SRPX: variants seen among roughly 807,000 people sequenced by gnomAD.
The protein encoded by SRPX is sushi repeat containing protein X-linked.
In SRPX, 24 loss-of-function variants were observed where a neutral mutation model predicts 38.1. The observed-to-expected ratio is 0.63, with a 90% CI of 0.46 to 0.89. The LOEUF is 0.89. Among genes scored for constraint, SRPX ranks in the 40% least tolerant of loss-of-function variants. The pLI, the probability that SRPX is intolerant of heterozygous loss-of-function variation, is 0.00. For missense variants in SRPX, 416 were observed against 377.8 expected, an observed-to-expected ratio of 1.10 and a Z score of -0.84; for synonymous variants, 184 against 153.8, an observed-to-expected ratio of 1.20 and a Z score of -1.45.
At chrX:38,208,312 G>A (rs1044311110) in intron 1 of SRPX, among the ~76,000 whole-genome samples, 1 of 111,518 alleles carries the variant, frequency 9.0e-6, no homozygotes, top group African/African-American at 3.3e-5. Context: ...AGACCCCCTT[G>A]TGGCCCCTCC....
intron 1 of SRPX, among the ~76,000 whole-genome samples, chrX:38,219,634 A>C (rs1296488766): frequency 8.9e-6 from 1 of 112,024 alleles, no homozygotes; most frequent in Non-Finnish European, 1.9e-5. Flanking sequence ...TCCCGCAGCC[A>C]TCCCTACATC....
At chrX:38,188,647 T>C (rs778974475) in intron 1 of SRPX, among the ~76,000 whole-genome samples, 11 of 111,654 alleles carry the variant, frequency 9.9e-5, no homozygotes, top group Non-Finnish European at 2.1e-4. Flanking sequence ...ATTATATATA[T>C]TTAAGGTTTA....
chrX:38,213,598 G>A (rs1220615640), intron 1 of SRPX, among the ~76,000 whole-genome samples: 1 of 111,760 alleles, frequency 8.9e-6, no homozygotes, highest in Non-Finnish European at 1.9e-5. Flanking sequence ...CCTGGACAGG[G>A]GCTCAGTGAA....
At chrX:38,166,578 A>T (rs1025400206) in intron 4 of SRPX, among the ~76,000 whole-genome samples, 2 of 112,414 alleles carry the variant, frequency 1.8e-5, no homozygotes, top group African/African-American at 6.5e-5. Flanking sequence ...TTACGTTTTT[A>T]AAAACATTTA....
At chrX:38,220,097 C>T (rs1177571832) in intron 1 of SRPX, among the ~76,000 whole-genome samples, 1 of 113,399 alleles carries the variant, frequency 8.8e-6, no homozygotes, top group Non-Finnish European at 1.9e-5. Flanking sequence ...TAATCAAGTG[C>T]ATGCCACATG....
chrX:38,166,605 G>C (rs1407133807), intron 4 of SRPX, among the ~76,000 whole-genome samples: 1 of 112,059 alleles, frequency 8.9e-6, no homozygotes, highest in Non-Finnish European at 1.9e-5. Context: ...TACTATGATA[G>C]GTGATAGAAG....
intron 1 of SRPX, among the ~76,000 whole-genome samples, chrX:38,187,652 G>A (rs1357597734): frequency 2.7e-5 from 3 of 112,077 alleles, no homozygotes; most frequent in South Asian, 3.7e-4. Context: ...TGCTATTGCC[G>A]GGTCTCTTGT....
At chrX:38,156,744 C>T (rs1215159945) in intron 8 of SRPX, 152 bp downstream of exon 8, 6 of 632,670 alleles carry the variant, frequency 9.5e-6, no homozygotes, top group Non-Finnish European at 1.4e-5. Context: ...GGCCCAGAAC[C>T]AGAAATGAAT....
intron 5 of SRPX, among the ~76,000 whole-genome samples, chrX:38,161,562 C>G (rs780098059): frequency 1.8e-5 from 2 of 111,760 alleles, no homozygotes; most frequent in Non-Finnish European, 3.8e-5. Context: ...GGCAAGTTCT[C>G]TGTGATTCCT....
chrX:38,163,347 G>A, intron 5 of SRPX, among the ~76,000 whole-genome samples: 1 of 112,165 alleles, frequency 8.9e-6, no homozygotes, highest in Non-Finnish European at 1.9e-5. Context: ...CACAGCCTGG[G>A]TTGATAGGAT....
In SRPX at chrX:38,197,792, A is replaced by T. The variant is rs141252184; in HGVS notation, c.98-19448T>A. On this transcript the variant is annotated intron_variant, in intron 1 of 9. Coordinates refer to ENST00000378533, the MANE Select transcript of SRPX (RefSeq NM_006307.5). Reference sequence around the variant, plus strand: ...TGATTTCTCAATGGTCATCCCATGGATAAAAATAGAGAGAAACTTACTTTG... The same window carrying T: ...TGATTTCTCAATGGTCATCCCATGGTTAAAAATAGAGAGAAACTTACTTTG... Among the ~76,000 whole-genome samples, 944 of 112,564 alleles carry T rather than the reference A, an allele frequency of 8.4e-3. 31 individuals are homozygous for T. Among genetic ancestry groups the T allele is most frequent in the Admixed American group, 0.077 (823 of 10,665 alleles).
chrX:38,190,681 C>CA (rs897249041), intron 1 of SRPX, among the ~76,000 whole-genome samples: 2 of 111,707 alleles, frequency 1.8e-5, no homozygotes, highest in African/African-American at 6.5e-5. Context: ...TTCTAGTTTT[C>CA]AAAATGATCA....
Position 38,160,954 on chromosome X carries a change from T to G in SRPX, c.754A>C (p.Lys252Gln). 8.3e-7 allele frequency: 1 copy of G among 1,209,570 alleles called. No homozygotes were observed. Among genetic ancestry groups the G allele is most frequent in the Non-Finnish European group, 1.1e-6 (1 of 894,357 alleles). Residue 252 changes from lysine to glutamine, a missense_variant, in exon 6 of 10, where the codon AAA becomes CAA. Lys to Gln is a moderately conservative substitution (Grantham distance 53). Coordinates refer to ENST00000378533, the MANE Select transcript of SRPX (RefSeq NM_006307.5). Reference sequence around the variant, plus strand: ...TTACCTCTTACTTTAACTCGAAATTTGCAAGTGCCCTTATTCTCAGCTCTG... The same window carrying G: ...TTACCTCTTACTTTAACTCGAAATTGGCAAGTGCCCTTATTCTCAGCTCTG... ...YDRAENKGTC[K>Q]FRVKVRVKRC... is the part of the protein sequence containing the mutation.
chrX:38,212,242 A>C (rs1448627894), intron 1 of SRPX, among the ~76,000 whole-genome samples: 1 of 111,868 alleles, frequency 8.9e-6, no homozygotes, highest in Non-Finnish European at 1.9e-5. Flanking sequence ...AAGCCAAGGG[A>C]GGTTGCATTT....
At chrX:38,159,506 C>T (rs1381602636) in intron 7 of SRPX, among the ~76,000 whole-genome samples, 1 of 113,291 alleles carries the variant, frequency 8.8e-6, no homozygotes, top group Non-Finnish European at 1.9e-5. Flanking sequence ...GTACCAGGCA[C>T]TGCTCTATTC....
At chrX:38,161,535 G>T (rs1938263645) in intron 5 of SRPX, among the ~76,000 whole-genome samples, 1 of 111,413 alleles carries the variant, frequency 9.0e-6, no homozygotes, top group Admixed American at 9.5e-5. Context: ...TTCTGTCTGG[G>T]ACAGTGGAGA....
At position 38,160,066 on chromosome X, in the gene SRPX, T is replaced by C. The variant is rs142557530; in HGVS notation, c.906A>G (p.Arg302=). ...ACCAAGCCAGGTTGGATTGACATAC[T>C]CGGGCAGGGCTACCCTGGAGCTCAT... The part of the protein sequence containing the change: ...GGYELQGSPA[R]VCQSNLAWSG... Residue 302 remains arginine, a synonymous_variant, in exon 7 of 10, where the codon CGA becomes CGG. Transcript: ENST00000378533. 4.1e-6 allele frequency: 5 copies of C among 1,209,837 alleles called. No homozygotes were observed. The highest frequency in any genetic ancestry group is 5.6e-6 in the Non-Finnish European group (5 of 895,017).
At chrX:38,178,166 A>G in intron 2 of SRPX, 119 bp downstream of exon 2, 2 of 435,725 alleles carry the variant, frequency 4.6e-6, no homozygotes, top group Non-Finnish European at 7.7e-6. Flanking sequence ...TTTCCTTGAT[A>G]GATAATTAGA....
At chrX:38,158,703 G>A (rs774511175) in intron 7 of SRPX, among the ~76,000 whole-genome samples, 4 of 111,582 alleles carry the variant, frequency 3.6e-5, no homozygotes, top group South Asian at 3.8e-4. Flanking sequence ...TAAAGAGACC[G>A]GGCGCAGTGT....
Sources: gnomAD v4.1 joint callset for allele counts (sites outside exome capture counted in the v4.1 genomes callset) on GRCh38, gnomAD v4.1.1 for gene constraint, MANE v1.5 for transcripts, NCBI Gene and HGNC (gene_info 2026-07-23, HGNC 2026-07-21) for gene names.